TANC1: variants seen among roughly 807,000 people sequenced by gnomAD.
TANC1 encodes the protein protein TANC1.
Under a neutral mutation model 149.7 loss-of-function variants are expected in TANC1, and 77 were observed. The ratio of observed to expected loss-of-function variants is 0.51; its 90% CI spans 0.43 to 0.62. The LOEUF (loss-of-function observed/expected upper bound fraction) is 0.62, where lower values mean the gene tolerates loss of function less well. TANC1 is among the 20% of genes least tolerant of loss of function. TANC1 has a pLI of 0.00. For synonymous variants in TANC1, 854 were observed against 925.0 expected, an observed-to-expected ratio of 0.92 and a Z score of 1.39; for missense variants, 1,985 against 2,321.8, an observed-to-expected ratio of 0.85 and a Z score of 2.98.
chr2:159,020,808 A>C (rs370732018), intron 2 of TANC1, among the ~76,000 whole-genome samples: 1 of 152,160 alleles, frequency 6.6e-6, no homozygotes, highest in South Asian at 2.1e-4. Flanking sequence ...CTGGACACAC[A>C]CATCTGTTGA....
At chr2:159,209,875 A>T (rs2058866522) in intron 19 of TANC1, among the ~76,000 whole-genome samples, 1 of 152,090 alleles carries the variant, frequency 6.6e-6, no homozygotes, top group South Asian at 2.1e-4. Context: ...CCACAATTAG[A>T]TGACATTTGT....
intron 24 of TANC1, 115 bp from the exon 25 acceptor site, chr2:159,227,704 T>C: frequency 8.8e-7 from 1 of 1,141,324 alleles, no homozygotes; most frequent in Non-Finnish European, 1.3e-6. Flanking sequence ...ATGCTTTCAA[T>C]GTTCTGTCGT....
At chr2:159,189,276 A>T (rs2057261145) in intron 16 of TANC1, among the ~76,000 whole-genome samples, 1 of 152,198 alleles carries the variant, frequency 6.6e-6, no homozygotes, top group Admixed American at 6.5e-5. Context: ...GGAGCTGCCG[A>T]CCTTGAGGAT....
intron 5 of TANC1, chr2:159,148,537 A>G (rs1447906491): frequency 6.6e-6 from 1 of 152,246 alleles, no homozygotes; most frequent in Non-Finnish European, 1.5e-5. Context: ...CTCTTGGGAC[A>G]AGTTTCACTG....
chr2:159,130,973 G>A (rs1171001574), intron 4 of TANC1, among the ~76,000 whole-genome samples: 1 of 152,136 alleles, frequency 6.6e-6, no homozygotes, highest in East Asian at 1.9e-4. Flanking sequence ...GGTACGTTGA[G>A]GGCAAGCTGT....
intron 17 of TANC1, among the ~76,000 whole-genome samples, 176 bp from the exon 18 acceptor site, chr2:159,196,432 A>G (rs2150717253): frequency 2.0e-5 from 3 of 152,338 alleles, no homozygotes; most frequent in Middle Eastern, 3.4e-3. Context: ...TGGTACATTC[A>G]TTACCATCTG....
chr2:159,114,059 G>T (rs1362862763), intron 4 of TANC1, among the ~76,000 whole-genome samples: 1 of 152,178 alleles, frequency 6.6e-6, no homozygotes, highest in Non-Finnish European at 1.5e-5. Flanking sequence ...CCAGCCAAAT[G>T]CTTTATGCTT....
At chr2:159,064,888 C>G (rs1032676827) in intron 2 of TANC1, among the ~76,000 whole-genome samples, 6 of 152,128 alleles carry the variant, frequency 3.9e-5, no homozygotes, top group African/African-American at 1.4e-4. Context: ...TCCCTCCTTG[C>G]CTCCCTTCCT....
intron 2 of TANC1, among the ~76,000 whole-genome samples, chr2:159,059,682 TC>T (rs1171220880): frequency 2.0e-5 from 3 of 152,152 alleles, no homozygotes; most frequent in African/African-American, 7.2e-5. Flanking sequence ...AAGGTCTCTG[TC>T]AATTCCTAGG....
At chr2:159,050,734 T>C (rs2041402881) in intron 2 of TANC1, among the ~76,000 whole-genome samples, 1 of 152,234 alleles carries the variant, frequency 6.6e-6, no homozygotes, top group Admixed American at 6.5e-5. Context: ...GCCATTGCTT[T>C]TGTGGTTGGT....
chr2:158,983,164 A>G (rs1394059016), intron 1 of TANC1, among the ~76,000 whole-genome samples: 1 of 152,088 alleles, frequency 6.6e-6, no homozygotes, highest in Non-Finnish European at 1.5e-5. Context: ...GAGAAGGAGT[A>G]AGAGTCAAAA....
chr2:158,999,835 A>G (rs113441419), intron 1 of TANC1, among the ~76,000 whole-genome samples: 3 of 152,238 alleles, frequency 2.0e-5, no homozygotes, highest in Non-Finnish European at 4.4e-5. Context: ...GCAATGGACA[A>G]TATAGCCTCT....
At chr2:158,980,988 G>A (rs915423682) in intron 1 of TANC1, among the ~76,000 whole-genome samples, 1 of 151,980 alleles carries the variant, frequency 6.6e-6, no homozygotes, top group Non-Finnish European at 1.5e-5. Flanking sequence ...TTTGTTTCCT[G>A]TGGCGGTGTT....
intron 7 of TANC1, among the ~76,000 whole-genome samples, chr2:159,153,309 G>A (rs1399249067): frequency 1.3e-5 from 2 of 152,212 alleles, no homozygotes; most frequent in Non-Finnish European, 2.9e-5. Context: ...TGACATTGAA[G>A]CTGTGTTTTT....
chr2:159,120,773 T>C (rs896901522), intron 4 of TANC1, among the ~76,000 whole-genome samples: 3 of 152,088 alleles, frequency 2.0e-5, no homozygotes, highest in African/African-American at 7.2e-5. Context: ...CTAATTTTTG[T>C]ATTTTTTTGT....
intron 2 of TANC1, among the ~76,000 whole-genome samples, chr2:159,046,571 A>ATTCTT (rs1179921470): frequency 2.6e-5 from 3 of 114,364 alleles, no homozygotes; most frequent in Non-Finnish European, 3.6e-5. Flanking sequence ...CCTATGCACC[A>ATTCTT]TTCTTTTCTT....
intron 11 of TANC1, among the ~76,000 whole-genome samples, chr2:159,173,165 C>T (rs563333114): frequency 2.0e-5 from 3 of 152,232 alleles, no homozygotes; most frequent in Non-Finnish European, 2.9e-5. Flanking sequence ...TGACTGTGAC[C>T]CACATAAGAG....
intron 4 of TANC1, among the ~76,000 whole-genome samples, chr2:159,115,132 A>T (rs555508360): frequency 9.9e-5 from 15 of 152,142 alleles, no homozygotes; most frequent in Non-Finnish European, 2.1e-4. Context: ...TTGTGACCTC[A>T]CGGAGAAGAG....
intron 5 of TANC1, among the ~76,000 whole-genome samples, chr2:159,145,769 C>G (rs999651850): frequency 1.3e-5 from 2 of 152,164 alleles, no homozygotes; most frequent in Non-Finnish European, 2.9e-5. Context: ...ACTGAGGGTT[C>G]CATGAATGTG....
Sources: gnomAD v4.1 joint callset for allele counts (sites outside exome capture counted in the v4.1 genomes callset) on GRCh38, gnomAD v4.1.1 for gene constraint, MANE v1.5 for transcripts, NCBI Gene and HGNC (gene_info 2026-07-23, HGNC 2026-07-21) for gene names.